Variants in LEKR1 observed in about 807,000 individuals in gnomAD.
The protein encoded by LEKR1 is leucine, glutamate and lysine rich 1, also known as protein LEKR1.
Under a neutral mutation model 72.4 loss-of-function variants are expected in LEKR1, and 59 were observed. The ratio of observed to expected loss-of-function variants is 0.82; its 90% CI spans 0.66 to 1.01. The LOEUF is 1.01. Among genes scored for constraint, LEKR1 ranks in the 50% least tolerant of loss-of-function variants. LEKR1 has a pLI of 0.00. For missense variants in LEKR1, 728 were observed against 759.2 expected (o/e 0.96, Z 0.48); for synonymous variants, 257 against 263.2 (o/e 0.98, Z 0.23).
chr3:156,880,891 A>G (rs192814047), intron 3 of LEKR1, among the ~76,000 whole-genome samples: 6,844 of 152,080 alleles, frequency 0.045, 195 homozygotes, highest in Middle Eastern at 0.071. Flanking sequence ...CAGAACCAAA[A>G]ACAAAAACCA....
At chr3:156,844,892 T>C (rs1032092469) in intron 2 of LEKR1, among the ~76,000 whole-genome samples, 1 of 141,058 alleles carries the variant, frequency 7.1e-6, no homozygotes, top group African/African-American at 2.7e-5. Flanking sequence ...TGCTATGTTA[T>C]ATAGTAACTA....
At position 156,847,097 on chromosome 3, in the gene LEKR1, C is replaced by T. The variant is rs748880946; in HGVS notation, c.49-5671C>T. 5.3e-5 allele frequency among the ~76,000 whole-genome samples: 8 copies of T among 152,286 alleles called. No homozygotes were observed. In the East Asian group the frequency reaches 1.5e-3, roughly 29 times the overall value. Reference sequence around the variant, plus strand: ...CGCTGGGATCACAGGTGTAAGCTACCATGCTTGGCCAAGAGGCACAATTTT... The same window carrying T: ...CGCTGGGATCACAGGTGTAAGCTACTATGCTTGGCCAAGAGGCACAATTTT... On this transcript the variant is annotated intron_variant, in intron 2 of 12. Transcript: ENST00000356539.
Position 157,045,487 on chromosome 3 carries a change from A to G in LEKR1, c.1816A>G (p.Ser606Gly). The G allele has an allele frequency of 6.2e-7, 1 of 1,614,178 alleles. No individual in the cohort carries two copies. The highest frequency in any genetic ancestry group is 1.1e-5 in the South Asian group (1 of 91,084). ...CTCACCGTGTTCCCTCAGCAAGGGC[A>G]GCCTAACCTCCCCTGCTGCAGCAGT... ...PFSPCSLSKG[S>G]LTSPAAAVSN... The change falls in exon 13 of 13, where the codon AGC (serine) becomes GGC (glycine). Residue 606 changes from serine (S) to glycine (G), a missense_variant. Physicochemically the swap from Ser to Gly is moderately conservative, Grantham distance 56. Transcript: ENST00000356539.
At chr3:156,834,072 C>G (rs1712798290) in intron 2 of LEKR1, among the ~76,000 whole-genome samples, 1 of 152,034 alleles carries the variant, frequency 6.6e-6, no homozygotes, top group East Asian at 1.9e-4. Flanking sequence ...CAAATCTATA[C>G]AGTCTTAATC....
At chr3:156,925,317 GTGTGTGTGTGTGTGTT>G (rs1309524617) in intron 4 of LEKR1, 2 of 101,768 alleles carry the variant, frequency 2.0e-5, no homozygotes, top group Admixed American at 1.2e-4. Flanking sequence ...GTGTGTGTGT[GTGTGTGTGTGTGTGTT>G]TGTGTGTGTC....
rs900130209 is a variant in LEKR1, at chr3:156,852,827, A to G, written c.108A>G (p.Glu36=). The G allele has an allele frequency of 5.2e-6, 8 of 1,535,524 alleles. No individual in the cohort carries two copies. Among genetic ancestry groups the G allele is most frequent in the Non-Finnish European group, 7.0e-6 (8 of 1,145,850 alleles). Residue 36 remains glutamate (E), a synonymous_variant, in exon 3 of 13, where the codon GAA becomes GAG. Transcript: ENST00000356539. ...GAGTCAGCTATCTAATTCTTCATGA[A>G]TTTAAGGCTATGGAAGAAAAAGTGA... The part of the protein sequence containing the change: ...YCGVSYLILH[E]FKAMEEKVKA...
rs1158377203 is a variant in LEKR1, at chr3:157,028,505, C to T, written c.1668+103C>T. 5 of 971,312 alleles carry T rather than the reference C, an allele frequency of 5.1e-6. No individual in the cohort carries two copies. The Admixed American group carries it at 1.1e-4, about 22-fold the overall frequency. 60.2% of individuals were successfully genotyped at this position (971,312 alleles called of 1,614,324 possible). On this transcript the variant is annotated intron_variant, in intron 12 of 12. Transcript: ENST00000356539. ...GGCAGCTTAGTTTCATGGAAAGAGTCCTGGAATGTTAGTCTGACCTAAATC... is the reference window on the plus strand; with the variant it reads ...GGCAGCTTAGTTTCATGGAAAGAGTTCTGGAATGTTAGTCTGACCTAAATC...
chr3:156,873,069 C>G (rs946185764), intron 3 of LEKR1, among the ~76,000 whole-genome samples: 4 of 151,866 alleles, frequency 2.6e-5, no homozygotes, highest in Non-Finnish European at 5.9e-5. Context: ...TCTGTCTCAC[C>G]TTTTCAATCT....
intron 6 of LEKR1, among the ~76,000 whole-genome samples, chr3:156,969,613 A>C (rs1728969325): frequency 6.6e-6 from 1 of 152,200 alleles, no homozygotes; most frequent in African/African-American, 2.4e-5. Context: ...CAGGCTCTGA[A>C]ATTGGGGCAA....
At chr3:157,033,494 T>C (rs1188038675) in intron 12 of LEKR1, among the ~76,000 whole-genome samples, 1 of 152,086 alleles carries the variant, frequency 6.6e-6, no homozygotes, top group Non-Finnish European at 1.5e-5. Context: ...CAAAGCCTAA[T>C]CCAGAGCAAG....
chr3:157,025,069 C>T (rs751891168), intron 11 of LEKR1, 145 bp downstream of exon 11: 41 of 539,032 alleles, frequency 7.6e-5, no homozygotes, highest in African/African-American at 2.1e-4. Context: ...GCAGGTAAGA[C>T]GGTTTGGCTA....
chr3:156,978,385 T>C (rs867291763), intron 6 of LEKR1, among the ~76,000 whole-genome samples: 20 of 152,336 alleles, frequency 1.3e-4, no homozygotes, highest in African/African-American at 4.8e-4. Flanking sequence ...TCCAGTGTTT[T>C]GAACATTTTT....
At chr3:157,025,979 G>C (rs1734156579) in intron 11 of LEKR1, among the ~76,000 whole-genome samples, 2 of 151,910 alleles carry the variant, frequency 1.3e-5, no homozygotes, top group Admixed American at 1.3e-4. Flanking sequence ...GAACCCAGGA[G>C]TTCAAAGCTT....
chr3:157,000,073 C>A (rs1731888422), intron 9 of LEKR1, among the ~76,000 whole-genome samples: 1 of 152,168 alleles, frequency 6.6e-6, no homozygotes. Flanking sequence ...AGGAGACTCA[C>A]AGCCCTGCAG....
At chr3:156,966,350 G>A (rs1013974342) in intron 6 of LEKR1, among the ~76,000 whole-genome samples, 6 of 152,200 alleles carry the variant, frequency 3.9e-5, no homozygotes, top group South Asian at 2.1e-4. Context: ...CCCGGGAAGT[G>A]CAAGGAGTCA....
rs554780835 is a variant in LEKR1, at chr3:156,929,091, A to C, written c.559+1487A>C. ...AATGAATAAAAAGAAAATCTGAGTAAGCAACTATTAAAAAATGAGAAATTC... is the reference window on the plus strand; with the variant it reads ...AATGAATAAAAAGAAAATCTGAGTACGCAACTATTAAAAAATGAGAAATTC... On this transcript the variant is annotated intron_variant, in intron 5 of 12. Coordinates refer to ENST00000356539, the MANE Select transcript of LEKR1 (RefSeq NM_001004316.3). Among the ~76,000 whole-genome samples, 4 of 152,252 alleles carry C rather than the reference A, an allele frequency of 2.6e-5. No individual in the cohort carries two copies. The South Asian group carries it at 8.3e-4, about 32-fold the overall frequency.
intron 7 of LEKR1, among the ~76,000 whole-genome samples, chr3:156,984,788 A>G (rs1730534424): frequency 6.6e-6 from 1 of 151,968 alleles, no homozygotes; most frequent in African/African-American, 2.4e-5. Context: ...TTTTAATTTC[A>G]TTAACAGTCA....
intron 9 of LEKR1, among the ~76,000 whole-genome samples, chr3:157,003,615 C>T (rs993616297): frequency 6.6e-6 from 1 of 152,152 alleles, no homozygotes; most frequent in Non-Finnish European, 1.5e-5. Context: ...AACCTTCCCC[C>T]ACACTAACCC....
chr3:156,927,066 T>C (rs1388123403), intron 4 of LEKR1, among the ~76,000 whole-genome samples: 1 of 151,970 alleles, frequency 6.6e-6, no homozygotes, highest in Non-Finnish European at 1.5e-5. Context: ...TGTATAAGAC[T>C]TTAAGATTGT....
Sources: gnomAD v4.1 joint callset for allele counts (sites outside exome capture counted in the v4.1 genomes callset) on GRCh38, gnomAD v4.1.1 for gene constraint, MANE v1.5 for transcripts, NCBI Gene and HGNC (gene_info 2026-07-23, HGNC 2026-07-21) for gene names.